The following MCFD2 variants were observed in gnomAD, a reference collection of about 807,000 sequenced individuals.
The protein encoded by MCFD2 is multiple coagulation factor deficiency protein 2.
In MCFD2, 11 loss-of-function variants were observed where a neutral mutation model predicts 12.8. The ratio of observed to expected loss-of-function variants is 0.86; its 90% CI spans 0.54 to 1.42. MCFD2 has a LOEUF of 1.42. MCFD2 is among the 40% of genes most tolerant of loss of function. The pLI is 0.00. For missense variants in MCFD2, 191 were observed against 178.6 expected (o/e 1.07, Z -0.40); for synonymous variants, 70 against 68.1 (o/e 1.03, Z -0.14).
intron 1 of MCFD2, among the ~76,000 whole-genome samples, chr2:46,933,044 C>G (rs1336220520): frequency 1.3e-5 from 2 of 152,188 alleles, no homozygotes; most frequent in African/African-American, 4.8e-5. Context: ...TGAAAAGGCT[C>G]TGAGCCCTTG....
upstream of MCFD2, among the ~76,000 whole-genome samples, chr2:46,920,047 T>G (rs1669019133): frequency 6.6e-6 from 1 of 152,194 alleles, no homozygotes. Flanking sequence ...ACTGGGGTGG[T>G]GAATATGATG....
chr2:46,915,942 C>T (rs1054048361), upstream of MCFD2: 7 of 985,394 alleles, frequency 7.1e-6, no homozygotes, highest in South Asian at 4.7e-5. Flanking sequence ...TGTAATCGGC[C>T]CGGGCCCAGC....
At chr2:46,918,032 G>A (rs1209104969), upstream of MCFD2, among the ~76,000 whole-genome samples, 1 of 152,116 alleles carries the variant, frequency 6.6e-6, no homozygotes, top group Non-Finnish European at 1.5e-5. Flanking sequence ...TTTATAAATA[G>A]ATGACTCCAA....
In MCFD2 at chr2:46,907,862, T is replaced by G; in HGVS notation, c.257A>C (p.Asn86Thr). ...GGAGAGTTCTAAGCCATCAAGCAAA[T>G]TATTGCCATCATAATCATGCATTTT... ...YFKMHDYDGNNLLDGLELSTA... is the reference protein window; with the variant it reads ...YFKMHDYDGNTLLDGLELSTA... Residue 86 changes from asparagine to threonine, a missense_variant, in exon 3 of 4, where the codon AAT (asparagine) becomes ACT (threonine). Asn to Thr is a moderately conservative substitution (Grantham distance 65). Coordinates refer to ENST00000319466, the MANE Select transcript of MCFD2 (RefSeq NM_139279.6). This position sits in a 1 kb window ranked among gnomAD's most constrained non-coding sequence, Gnocchi z 4.1. The G allele has an allele frequency of 6.2e-7, 1 of 1,614,194 alleles. No individual in the cohort carries two copies. Among genetic ancestry groups the G allele is most frequent in the South Asian group, 1.1e-5 (1 of 91,088 alleles).
At chr2:46,917,364 C>G, upstream of MCFD2, 1 of 594,318 alleles carries the variant, frequency 1.7e-6, no homozygotes, top group Non-Finnish European at 3.0e-6. Context: ...TTACTCTGAA[C>G]TTTGGATTAG....
chr2:46,915,558 C>A lies in MCFD2; in HGVS notation c.-7+165G>T, dbSNP rs1008318048. Among the ~76,000 whole-genome samples, 3 of 152,270 alleles carry A rather than the reference C, an allele frequency of 2.0e-5. No homozygotes were observed. The East Asian group carries it at 5.8e-4, about 30-fold the overall frequency. Reference sequence around the variant, plus strand: ...CCCGGTGGGGCACAGGCTTCCGCCCCGGGAGACAGGCCGTGCTCCTAGCCG... The same window carrying A: ...CCCGGTGGGGCACAGGCTTCCGCCCAGGGAGACAGGCCGTGCTCCTAGCCG... On this transcript the variant is annotated intron_variant, in intron 1 of 3. Transcript: ENST00000319466.
rs184637436 is a variant in MCFD2 at position 46,924,524 on chromosome 2, A to G, written c.-7-16555T>C. Among the ~76,000 whole-genome samples the G allele has an allele frequency of 3.3e-5, 5 of 152,306 alleles. No individual in the cohort carries two copies. The East Asian group carries it at 9.6e-4, about 29-fold the overall frequency. The stretch of plus-strand genomic sequence containing the variant: ...AAAATTATAAAATATATTGAGTATG[A>G]GTGTTTTGAATAGAATATGAGAAGA... On this transcript the variant is annotated intron_variant, in intron 1 of 2. Transcript: ENST00000409147.
rs1670248974 is a variant in MCFD2, at chr2:46,940,635, A to G, written c.-8+937T>C. 6.6e-6 allele frequency among the ~76,000 whole-genome samples: 1 copy of G among 152,276 alleles called. No homozygotes were observed. Among genetic ancestry groups the G allele is most frequent in the African/African-American group, 2.4e-5 (1 of 41,478 alleles). The stretch of plus-strand genomic sequence containing the variant: ...ATCCAGGGCAACAGAGATTCCACAG[A>G]GGACAGGTCAACGGGTTAGGGAAGT... On this transcript the variant is annotated intron_variant, in intron 1 of 2. Coordinates refer to the MCFD2 transcript ENST00000409147. This position sits in a 1 kb window ranked among gnomAD's most constrained non-coding sequence, Gnocchi z 4.7.
At chr2:46,938,328 C>T (rs1572662295) in intron 1 of MCFD2, among the ~76,000 whole-genome samples, 1 of 152,134 alleles carries the variant, frequency 6.6e-6, no homozygotes. Context: ...AACTTGATCA[C>T]TATTATACCT....
At chr2:46,927,248 G>A (rs901180526) in intron 1 of MCFD2, among the ~76,000 whole-genome samples, 4 of 150,250 alleles carry the variant, frequency 2.7e-5, no homozygotes, top group African/African-American at 9.8e-5. Context: ...CAAAAAGAGT[G>A]ACAAATCCCA....
rs926845575 is a variant in MCFD2, at chr2:46,941,427, G to C, written c.-8+145C>G. The C allele has an allele frequency of 6.1e-6, 7 of 1,140,532 alleles. No homozygotes were observed. Among genetic ancestry groups the C allele is most frequent in the Admixed American group, 4.2e-5 (1 of 23,594 alleles). 70.7% of individuals were successfully genotyped at this position (1,140,532 alleles called of 1,614,324 possible). A position where few individuals can be genotyped will look rare whatever the true frequency, so the allele number is the denominator to read the frequency against. On this transcript the variant is annotated intron_variant, in intron 1 of 2. Transcript: ENST00000409147. The surrounding 1 kb of genome is among the most constrained non-coding windows in gnomAD (Gnocchi z 4.2). ...GGGCCCCCGCTGCCGCCCGGGCCCC[G>C]GCTGCCGTCTGCGCCCCCGTCGACC...
Position 46,941,675 on chromosome 2 carries a change from G to T in MCFD2, c.-111C>A. 1 of 1,551,784 alleles carries T rather than the reference G, an allele frequency of 6.4e-7. No individual in the cohort carries two copies. On this transcript the variant is annotated 5_prime_UTR_variant, in exon 1 of 3. Coordinates refer to the MCFD2 transcript ENST00000409147. This position sits in a 1 kb window ranked among gnomAD's most constrained non-coding sequence, Gnocchi z 4.2. ...CAGACGCTGAGCATGCCCGGCGGCGGAGGTAACAGGCGAGGCAGCCCGAGC... is the reference window on the plus strand; with the variant it reads ...CAGACGCTGAGCATGCCCGGCGGCGTAGGTAACAGGCGAGGCAGCCCGAGC...
chr2:46,905,561 C>G lies in MCFD2; in HGVS notation c.343G>C (p.Asp115His). ...CCATCTATTATGTTAATCAGTTCATCTTCACTCATTAGTGGTGCCTGTTCA... is the reference window on the plus strand; with the variant it reads ...CCATCTATTATGTTAATCAGTTCATGTTCACTCATTAGTGGTGCCTGTTCA... ...GSEQAPLMSE[D>H]ELINIIDGVL... Residue 115 changes from aspartate (D) to histidine (H), a missense_variant, in exon 4 of 4, where the codon GAT becomes CAT. Physicochemically the swap from Asp to His is moderately conservative, Grantham distance 81 (BLOSUM62 -1). Coordinates refer to ENST00000319466, the MANE Select transcript of MCFD2 (RefSeq NM_139279.6). 6.2e-7 allele frequency: 1 copy of G among 1,613,242 alleles called. No individual in the cohort carries two copies.
rs1670318828 is a variant in MCFD2, at chr2:46,941,203, C to T, written c.-8+369G>A. On this transcript the variant is annotated intron_variant, in intron 1 of 2. Coordinates refer to the MCFD2 transcript ENST00000409147. The surrounding 1 kb of genome is among the most constrained non-coding windows in gnomAD (Gnocchi z 4.2). Reference sequence around the variant, plus strand: ...AGGGGCGGGTCCGCAGCTGGCGGCGCCGGGGCCCGGGGCGGAGGCTGTGGC... The same window carrying T: ...AGGGGCGGGTCCGCAGCTGGCGGCGTCGGGGCCCGGGGCGGAGGCTGTGGC... 1 of 147,788 alleles carries T rather than the reference C, an allele frequency of 6.8e-6. No homozygotes were observed. The highest frequency in any genetic ancestry group is 1.8e-4 in the South Asian group (1 of 5,642). The allele number at this position is 147,788 out of a possible 1,614,324, so 9.2% of individuals were successfully genotyped here.
At chr2:46,934,787 CTTTTTTTTTTTTTTTTTTTT>C (rs1161003607) in intron 1 of MCFD2, among the ~76,000 whole-genome samples, 3 of 66,888 alleles carry the variant, frequency 4.5e-5, no homozygotes, top group Non-Finnish European at 5.4e-5. Context: ...GACTACTGCT[CTTTTTTTTTTTTTTTTTTTT>C]TTTTTTTTTT....
At chr2:46,911,802 T>C (rs1668497361) in intron 1 of MCFD2, among the ~76,000 whole-genome samples, 1 of 152,148 alleles carries the variant, frequency 6.6e-6, no homozygotes, top group South Asian at 2.1e-4. Flanking sequence ...GGCGGGCACC[T>C]GTAGTCCCAG....
chr2:46,915,831 C>A (rs916335074), upstream of MCFD2: 14 of 647,018 alleles, frequency 2.2e-5, no homozygotes, highest in Non-Finnish European at 2.3e-5. Context: ...CCCCCCCGAC[C>A]TGCCCTGCGC....
intron 1 of MCFD2, among the ~76,000 whole-genome samples, chr2:46,930,061 T>C (rs181823035): frequency 2.4e-3 from 359 of 152,194 alleles, no homozygotes; most frequent in African/African-American, 8.2e-3. Flanking sequence ...CCCTGAGATT[T>C]TGGGGGGAGT....
At chr2:46,932,583 G>A (rs1669763772) in intron 1 of MCFD2, among the ~76,000 whole-genome samples, 1 of 149,016 alleles carries the variant, frequency 6.7e-6, no homozygotes, top group Admixed American at 6.6e-5. Flanking sequence ...AGGAAGAAAA[G>A]AAAGAGAAAG....
Sources: gnomAD v4.1 joint callset for allele counts (sites outside exome capture counted in the v4.1 genomes callset) on GRCh38, gnomAD v4.1.1 for gene constraint, Gnocchi (gnomAD v3.1) non-coding constraint, MANE v1.5 for transcripts, NCBI Gene and HGNC (gene_info 2026-07-23, HGNC 2026-07-21) for gene names.